Variants in STARD6 observed in about 807,000 individuals in gnomAD.
STARD6 encodes the protein stAR-related lipid transfer protein 6.
STARD6 carries 21 observed loss-of-function variants against 22.3 expected under a neutral mutation model. The ratio of observed to expected loss-of-function variants is 0.94; its 90% confidence interval spans 0.67 to 1.35. The LOEUF (loss-of-function observed/expected upper bound fraction) is 1.35, where lower values mean the gene tolerates loss of function less well. Among genes scored for constraint, STARD6 ranks in the 40% most tolerant of loss-of-function variants. STARD6 has a pLI of 0.00. For missense variants in STARD6, 269 were observed against 266.9 expected (o/e 1.01, Z -0.05); for synonymous variants, 80 against 88.1 (o/e 0.91, Z 0.52).
At chr18:54,327,965 T>C (rs985402454) in intron 7 of STARD6, among the ~76,000 whole-genome samples, 1 of 152,152 alleles carries the variant, frequency 6.6e-6, no homozygotes, top group Non-Finnish European at 1.5e-5. Flanking sequence ...TTCTGAGTAA[T>C]GTGATGAAAT....
intron 6 of STARD6, among the ~76,000 whole-genome samples, chr18:54,329,874 T>C (rs2088852493): frequency 6.7e-6 from 1 of 150,136 alleles, no homozygotes; most frequent in African/African-American, 2.5e-5. Flanking sequence ...GTGTTAATCA[T>C]GTTTTTTTTT....
At chr18:54,344,598 A>G (rs575598325) in intron 4 of STARD6, among the ~76,000 whole-genome samples, 5 of 148,534 alleles carry the variant, frequency 3.4e-5, no homozygotes, top group South Asian at 2.1e-4. Context: ...AAAAAAAAAA[A>G]AAAGAAAATA....
chr18:54,342,462 T>C lies in STARD6; in HGVS notation c.141-5211A>G, dbSNP rs202026058. Among the ~76,000 whole-genome samples, 355 of 94,358 alleles carry C rather than the reference T, an allele frequency of 3.8e-3. 3 individuals are homozygous for C. Among genetic ancestry groups the C allele is most frequent in the Non-Finnish European group, 4.4e-3 (203 of 46,014 alleles). The allele number at this position is 94,358 out of a possible 152,430, so 61.9% of individuals were successfully genotyped here. A position where few individuals can be genotyped will look rare whatever the true frequency, so the allele number is the denominator to read the frequency against. Reference sequence around the variant, plus strand: ...CTCCCTCTCCCTCTCCCTCTCCCTCTCCCTCCCTCTCCGTCTCCGTCTCCG... The same window carrying C: ...CTCCCTCTCCCTCTCCCTCTCCCTCCCCCTCCCTCTCCGTCTCCGTCTCCG... On this transcript the variant is annotated intron_variant, in intron 4 of 7. Transcript: ENST00000307844.
chr18:54,334,420 C>A (rs2088891563), intron 5 of STARD6, among the ~76,000 whole-genome samples: 1 of 152,150 alleles, frequency 6.6e-6, no homozygotes, highest in Non-Finnish European at 1.5e-5. Flanking sequence ...TGGCTTCCCA[C>A]TGAACGTAGA....
At chr18:54,350,657 G>A (rs1172682802) in intron 4 of STARD6, among the ~76,000 whole-genome samples, 6 of 152,120 alleles carry the variant, frequency 3.9e-5, no homozygotes, top group Non-Finnish European at 1.5e-5. Context: ...GTACATTTTT[G>A]TAAAAGGTAA....
At chr18:54,346,608 C>T (rs2089038624) in intron 4 of STARD6, among the ~76,000 whole-genome samples, 2 of 151,916 alleles carry the variant, frequency 1.3e-5, no homozygotes, top group South Asian at 4.1e-4. Context: ...AATTTGTACA[C>T]AAATTTCATA....
At chr18:54,327,176 G>A (rs1016496698) in intron 7 of STARD6, among the ~76,000 whole-genome samples, 3 of 152,066 alleles carry the variant, frequency 2.0e-5, no homozygotes, top group Admixed American at 1.3e-4. Context: ...TTTCAGTTTT[G>A]CTAATAATAA....
At chr18:54,349,456 A>G (rs2089072894) in intron 4 of STARD6, among the ~76,000 whole-genome samples, 1 of 152,170 alleles carries the variant, frequency 6.6e-6, no homozygotes, top group South Asian at 2.1e-4. Context: ...AAATGAGGTC[A>G]GAGAGGTAAG....
At chr18:54,327,998 C>T (rs1020746113) in intron 7 of STARD6, among the ~76,000 whole-genome samples, 2 of 152,174 alleles carry the variant, frequency 1.3e-5, no homozygotes, top group South Asian at 4.2e-4. Flanking sequence ...TGCTCTGTCC[C>T]ACCCAGGATG....
At chr18:54,337,949 A>T (rs1440180979) in intron 4 of STARD6, among the ~76,000 whole-genome samples, 1 of 152,228 alleles carries the variant, frequency 6.6e-6, no homozygotes, top group African/African-American at 2.4e-5. Context: ...AGAAGCAGGG[A>T]AACATACAGC....
At position 54,324,505 on chromosome 18, in the gene STARD6, G is replaced by T. The variant is rs1279807236; in HGVS notation, c.*187C>A. The T allele has an allele frequency of 2.2e-6, 1 of 465,034 alleles. No homozygotes were observed. Among genetic ancestry groups the T allele is most frequent in the Non-Finnish European group, 3.7e-6 (1 of 269,688 alleles). The allele number at this position is 465,034 out of a possible 1,614,324, so 28.8% of individuals were successfully genotyped here. A position where few individuals can be genotyped will look rare whatever the true frequency, so the allele number is the denominator to read the frequency against. On this transcript the variant is annotated 3_prime_UTR_variant, in exon 8 of 8. Transcript: ENST00000307844. ...ATCATTCTTACGTGAGATTAAAAAC[G>T]GTATTTAATGCCATATTCTTGTACA...
intron 7 of STARD6, 81 bp downstream of exon 7, chr18:54,329,266 T>A: frequency 8.8e-7 from 1 of 1,139,608 alleles, no homozygotes; most frequent in African/African-American, 1.6e-5. Context: ...ATATTTCTAC[T>A]GATGAGCCAG....
intron 4 of STARD6, among the ~76,000 whole-genome samples, chr18:54,349,495 C>G (rs1657890): frequency 6.6e-6 from 1 of 152,100 alleles, no homozygotes; most frequent in Admixed American, 6.5e-5. Flanking sequence ...CTGCACATCA[C>G]GATAAAATGT....
rs928673099 is a variant in STARD6, at chr18:54,356,435, A to G, written c.-79T>C. Reference sequence around the variant, plus strand: ...TCCAAATCCTTGTGGAAATCTCCATATCTCTTAACCTGTGAGGAAACAAGG... The same window carrying G: ...TCCAAATCCTTGTGGAAATCTCCATGTCTCTTAACCTGTGAGGAAACAAGG... On this transcript the variant is annotated 5_prime_UTR_variant, in exon 2 of 8. Coordinates refer to ENST00000307844, the MANE Select transcript of STARD6 (RefSeq NM_139171.2). 6.6e-5 allele frequency: 10 copies of G among 152,196 alleles called. No homozygotes were observed. Among genetic ancestry groups the G allele is most frequent in the African/African-American group, 2.4e-4 (10 of 41,450 alleles). The allele number at this position is 152,196 out of a possible 1,614,324, so 9.4% of individuals were successfully genotyped here.
chr18:54,343,676 G>T (rs2089005317), intron 4 of STARD6, among the ~76,000 whole-genome samples: 2 of 42,554 alleles, frequency 4.7e-5, no homozygotes, highest in Non-Finnish European at 4.6e-5. Flanking sequence ...GGAGGTGGGG[G>T]GGTCGGCCCC....
At chr18:54,344,577 AT>A (rs1316525125) in intron 4 of STARD6, among the ~76,000 whole-genome samples, 28 of 67,958 alleles carry the variant, frequency 4.1e-4, no homozygotes, top group African/African-American at 2.0e-3. Context: ...CAATAAAAAA[AT>A]AAATTAAAAA....
chr18:54,329,109 G>T (rs1303698421), intron 7 of STARD6, among the ~76,000 whole-genome samples: 1 of 152,108 alleles, frequency 6.6e-6, no homozygotes, highest in East Asian at 1.9e-4. Context: ...ATGTTTGTGT[G>T]TGTTTGACTG....
At chr18:54,355,696 T>C (rs548097217) in intron 2 of STARD6, 15 of 152,354 alleles carry the variant, frequency 9.8e-5, no homozygotes, top group African/African-American at 3.6e-4. Context: ...TAATTTCTTA[T>C]GGCAGCCCAA....
chr18:54,355,448 G>C (rs553585167), intron 2 of STARD6, among the ~76,000 whole-genome samples: 8 of 152,186 alleles, frequency 5.3e-5, no homozygotes, highest in African/African-American at 1.7e-4. Context: ...GTGATATTAG[G>C]AGATGATTAG....
Sources: gnomAD v4.1 joint callset for allele counts (sites outside exome capture counted in the v4.1 genomes callset) on GRCh38, gnomAD v4.1.1 for gene constraint, MANE v1.5 for transcripts, NCBI Gene and HGNC (gene_info 2026-07-23, HGNC 2026-07-21) for gene names.